SRPX: variants seen among roughly 807,000 people sequenced by gnomAD.
SRPX encodes the protein sushi repeat-containing protein SRPX.
A neutral mutation model predicts 38.1 loss-of-function variants in SRPX; 24 were observed. The observed-to-expected ratio is 0.63, with a 90% confidence interval of 0.46 to 0.89. The LOEUF is 0.89. SRPX is among the 40% of genes least tolerant of loss of function. The pLI is 0.00. For synonymous variants in SRPX, 184 were observed against 153.8 expected (o/e 1.20, Z -1.45); for missense variants, 416 against 377.8 (o/e 1.10, Z -0.84).
At chrX:38,166,874 C>G (rs1409533153) in intron 4 of SRPX, among the ~76,000 whole-genome samples, 1 of 111,425 alleles carries the variant, frequency 9.0e-6, no homozygotes, top group Non-Finnish European at 1.9e-5. Context: ...GATGTACTAA[C>G]AGTGTAAGCA....
In SRPX at chrX:38,219,120, T is replaced by C. The variant is rs540155386; in HGVS notation, c.97+1576A>G. Among the ~76,000 whole-genome samples the C allele has an allele frequency of 2.2e-4, 24 of 110,959 alleles. No homozygotes were observed. The South Asian group carries it at 9.3e-3, about 43-fold the overall frequency. ...GCCCAAACTGGCGAACTCATGATTC[T>C]GTGGCTGGGCCCTGGTAGCAAGCTG... is the stretch of plus-strand genomic sequence containing the variant. On this transcript the variant is annotated intron_variant, in intron 1 of 9. Coordinates refer to ENST00000378533, the MANE Select transcript of SRPX (RefSeq NM_006307.5).
chrX:38,160,039 A>T lies in SRPX; in HGVS notation c.933T>A (p.Ser311=). ...TACCTGCACAGGTGGGCTCCGTGCC[A>T]GACCAAGCCAGGTTGGATTGACATA... ...ARVCQSNLAW[S]GTEPTCAAMN... The change falls in exon 7 of 10, where the codon TCT becomes TCA. Residue 311 remains serine (S), a synonymous_variant. Coordinates refer to ENST00000378533, the MANE Select transcript of SRPX (RefSeq NM_006307.5). The T allele has an allele frequency of 8.3e-7, 1 of 1,211,199 alleles. No homozygotes were observed. Among genetic ancestry groups the T allele is most frequent in the South Asian group, 1.8e-5 (1 of 56,668 alleles).
At chrX:38,168,632 A>G (rs1295116978) in intron 4 of SRPX, among the ~76,000 whole-genome samples, 1 of 112,400 alleles carries the variant, frequency 8.9e-6, no homozygotes, top group Non-Finnish European at 1.9e-5. Context: ...TGATAGAGAA[A>G]GGAAGAGTTC....
chrX:38,215,940 A>G (rs1202696120), intron 1 of SRPX, among the ~76,000 whole-genome samples: 1 of 112,390 alleles, frequency 8.9e-6, no homozygotes, highest in Non-Finnish European at 1.9e-5. Context: ...TGGTAATTTC[A>G]TCTTACTCTG....
intron 2 of SRPX, among the ~76,000 whole-genome samples, chrX:38,176,880 A>G (rs1287844629): frequency 8.9e-6 from 1 of 112,191 alleles, no homozygotes; most frequent in Non-Finnish European, 1.9e-5. Flanking sequence ...ACATACTGAA[A>G]TGATTGCTAC....
At chrX:38,204,308 T>C (rs1939172893) in intron 1 of SRPX, among the ~76,000 whole-genome samples, 1 of 112,207 alleles carries the variant, frequency 8.9e-6, no homozygotes, top group African/African-American at 3.2e-5. Flanking sequence ...GGAATCACAC[T>C]ACCCAATTTT....
chrX:38,180,192 C>A (rs1048864752), intron 1 of SRPX, among the ~76,000 whole-genome samples: 11 of 111,515 alleles, frequency 9.9e-5, no homozygotes, highest in Non-Finnish European at 1.5e-4. Context: ...TATATTTTGC[C>A]CTCGGTTGTC....
intron 1 of SRPX, among the ~76,000 whole-genome samples, chrX:38,197,647 T>A (rs768189994): frequency 8.9e-6 from 1 of 112,049 alleles, no homozygotes; most frequent in African/African-American, 3.2e-5. Flanking sequence ...CAACAGAGAC[T>A]AGCTTTCATA....
chrX:38,168,716 G>C (rs982316446), intron 4 of SRPX, among the ~76,000 whole-genome samples: 1 of 112,326 alleles, frequency 8.9e-6, no homozygotes, highest in Non-Finnish European at 1.9e-5. Context: ...TCATCCAGTT[G>C]TTTGCTTCCC....
intron 1 of SRPX, among the ~76,000 whole-genome samples, chrX:38,186,071 T>G (rs932461125): frequency 1.8e-5 from 2 of 111,328 alleles, no homozygotes; most frequent in African/African-American, 6.5e-5. Flanking sequence ...TTAACTTGCT[T>G]CTAATGAATA....
At position 38,149,863 on chromosome X, in the gene SRPX, T is replaced by C. The variant is rs769431453; in HGVS notation, c.1243A>G (p.Ser415Gly). The change falls in exon 10 of 10, where the codon AGT becomes GGT. Residue 415 changes from serine to glycine, a missense_variant. Coordinates refer to ENST00000378533, the MANE Select transcript of SRPX (RefSeq NM_006307.5). ...CCATGCTTATCCACTAGCACCATAC[T>C]GAAGGAGTAGAGTGGGATTCGCAGC... is the stretch of plus-strand genomic sequence containing the variant. ...LLLRIPLYSF[S>G]MVLVDKHGMD... The C allele has an allele frequency of 4.2e-5, 51 of 1,208,447 alleles. No homozygotes were observed. Among genetic ancestry groups the C allele is most frequent in the Non-Finnish European group, 5.4e-5 (48 of 894,312 alleles).
intron 1 of SRPX, among the ~76,000 whole-genome samples, chrX:38,216,891 G>A (rs1225109782): frequency 8.9e-6 from 1 of 112,531 alleles, no homozygotes; most frequent in Non-Finnish European, 1.9e-5. Context: ...TGCGGTTGCA[G>A]TCAGTCTCTC....
At chrX:38,200,741 A>C (rs1939095779) in intron 1 of SRPX, among the ~76,000 whole-genome samples, 1 of 112,040 alleles carries the variant, frequency 8.9e-6, no homozygotes, top group African/African-American at 3.2e-5. Context: ...TCATGAAGGC[A>C]GAGCCCTAAT....
rs147026513 is a variant in SRPX at position 38,149,827 on chromosome X, C to G, written c.1279G>C (p.Glu427Gln). ...GGCATCACCAGGGAGACATAGCGCT[C>G]TTTGTCCATGCCATGCTTATCCACT... ...VLVDKHGMDK[E>Q]RYVSLVMPVA... The change falls in exon 10 of 10, where the codon GAG becomes CAG. Residue 427 changes from glutamate to glutamine, a missense_variant. Glu to Gln is a conservative substitution (Grantham distance 29). Transcript: ENST00000378533. The G allele has an allele frequency of 8.3e-6, 10 of 1,209,435 alleles. No homozygotes were observed. The highest frequency in any genetic ancestry group is 1.0e-5 in the Non-Finnish European group (9 of 895,120).
At chrX:38,178,387 T>G in intron 1 of SRPX, 43 bp from the exon 2 acceptor site, 1 of 1,083,840 alleles carries the variant, frequency 9.2e-7, no homozygotes. Flanking sequence ...AAAAGCCACA[T>G]AGTATGGACG....
intron 1 of SRPX, among the ~76,000 whole-genome samples, chrX:38,204,979 T>G (rs1334689272): frequency 1.8e-5 from 2 of 111,517 alleles, no homozygotes; most frequent in Non-Finnish European, 3.8e-5. Context: ...TAGGGAGGCC[T>G]AAAAACCAGC....
chrX:38,171,139 C>T (rs1056064249), intron 4 of SRPX, among the ~76,000 whole-genome samples: 2 of 111,543 alleles, frequency 1.8e-5, no homozygotes, highest in Non-Finnish European at 3.8e-5. Context: ...TAGGACCCAC[C>T]GCAGACCTGC....
At chrX:38,191,809 A>G (rs769322776) in intron 1 of SRPX, among the ~76,000 whole-genome samples, 1 of 112,298 alleles carries the variant, frequency 8.9e-6, no homozygotes, top group Middle Eastern at 4.6e-3. Context: ...GCAGGTAGCA[A>G]TCAAAAGAGT....
Position 38,160,134 on chromosome X carries a change from C to A in SRPX, c.838G>T (p.Asp280Tyr), listed in dbSNP as rs1242760079. ...AACTCACAGGTGGCTCCATAATTAT[C>A]ACCGTCGCTGGAGCACTTCATGTAA... The part of the protein sequence containing the change: ...NGYMKCSSDG[D>Y]NYGATCEFSC... Residue 280 changes from aspartate (D) to tyrosine (Y), a missense_variant, in exon 7 of 10, where the codon GAT becomes TAT. Transcript: ENST00000378533. 12 of 1,210,491 alleles carry A rather than the reference C, an allele frequency of 9.9e-6. No individual in the cohort carries two copies. Among genetic ancestry groups the A allele is most frequent in the Non-Finnish European group, 1.2e-5 (11 of 895,306 alleles).
Sources: allele counts gnomAD v4.1 joint callset (sites outside exome capture counted in the v4.1 genomes callset), GRCh38; gene constraint gnomAD v4.1.1; transcripts MANE v1.5; gene names NCBI Gene and HGNC (gene_info 2026-07-23, HGNC 2026-07-21).